The following PCDHA3 variants were observed in gnomAD, a reference collection of about 807,000 sequenced individuals.
PCDHA3 encodes the protein protocadherin alpha 3, also known as protocadherin alpha-3.
PCDHA3 carries 41 observed loss-of-function variants against 62.2 expected under a neutral mutation model. The observed-to-expected ratio is 0.66, with a 90% CI of 0.51 to 0.86. The LOEUF is 0.86. PCDHA3 is among the 40% of genes least tolerant of loss of function. The pLI is 0.00. For missense variants in PCDHA3, 1,304 were observed against 1,241.2 expected (o/e 1.05, Z -0.76); for synonymous variants, 640 against 555.4 (o/e 1.15, Z -2.14).
chr5:140,842,854 C>T, intron 1 of PCDHA3: 1 of 1,594,004 alleles, frequency 6.3e-7, no homozygotes, highest in South Asian at 1.1e-5. Context: ...TTTCGGTGCA[C>T]ACGGAGAGCG....
intron 3 of PCDHA3, among the ~76,000 whole-genome samples, chr5:140,992,147 G>A (rs1304729438): frequency 2.0e-5 from 3 of 151,714 alleles, no homozygotes; most frequent in Non-Finnish European, 4.4e-5. Context: ...TGCTAACTTT[G>A]CTCAATCAAG....
At chr5:140,958,104 T>C (rs1554223331) in intron 1 of PCDHA3, among the ~76,000 whole-genome samples, 1 of 151,916 alleles carries the variant, frequency 6.6e-6, no homozygotes, top group Admixed American at 6.6e-5. Flanking sequence ...GTGTGTAGAG[T>C]GTGGTTCCAT....
intron 1 of PCDHA3, chr5:140,808,760 C>A (rs1554124765): frequency 1.2e-6 from 2 of 1,612,324 alleles, no homozygotes; most frequent in South Asian, 2.2e-5. Context: ...GCCGCTGGAC[C>A]ACGAGGAGCT....
In PCDHA3 at chr5:141,010,126, C is replaced by A; in HGVS notation, c.*189C>A. The A allele has an allele frequency of 6.2e-7, 1 of 1,602,364 alleles. No homozygotes were observed. The highest frequency in any genetic ancestry group is 1.1e-5 in the South Asian group (1 of 89,898). ...TTTTGTCGTAAAAGCTTTACTAAGT[C>A]TGGTGTTAACTCTTTCTCTCCACTC... On this transcript the variant is annotated 3_prime_UTR_variant, in exon 4 of 4. Coordinates refer to ENST00000522353, the MANE Select transcript of PCDHA3 (RefSeq NM_018906.3).
intron 1 of PCDHA3, chr5:140,851,385 AGTATCTATTATTTT>A: frequency 4.1e-6 from 4 of 975,218 alleles, no homozygotes; most frequent in Non-Finnish European, 5.0e-6. Flanking sequence ...AGCAACCTTC[AGTATCTATTATTTT>A]AATAAGAAAG....
chr5:140,928,736 T>C, intron 1 of PCDHA3: 1 of 1,614,174 alleles, frequency 6.2e-7, no homozygotes, highest in Non-Finnish European at 8.5e-7. Flanking sequence ...TCAGCCAATA[T>C]AGGTGAGCTC....
At chr5:140,949,991 A>T (rs1585353048) in intron 1 of PCDHA3, among the ~76,000 whole-genome samples, 1 of 151,822 alleles carries the variant, frequency 6.6e-6, no homozygotes, top group East Asian at 1.9e-4. Flanking sequence ...AACTTTTCTC[A>T]GTCCACTTAA....
chr5:140,917,338 G>GGGGGGGGGGGGGGGGGA (rs2078134893), intron 1 of PCDHA3, among the ~76,000 whole-genome samples: 1 of 137,894 alleles, frequency 7.3e-6, no homozygotes, highest in Non-Finnish European at 1.6e-5. Flanking sequence ...GGAGGGGGGG[G>GGGGGGGGGGGGGGGGGA]ATGGTGTAGG....
At chr5:140,965,827 A>G (rs2095939185) in intron 1 of PCDHA3, among the ~76,000 whole-genome samples, 1 of 152,172 alleles carries the variant, frequency 6.6e-6, no homozygotes, top group Non-Finnish European at 1.5e-5. Context: ...TAAACATTTA[A>G]ATATTGGTTA....
At position 140,801,543 on chromosome 5, in the gene PCDHA3, G is replaced by T. The variant is rs369003662; in HGVS notation, c.346G>T (p.Val116Phe). The change falls in exon 1 of 4, where the codon GTT becomes TTT. Residue 116 changes from valine (V) to phenylalanine (F), a missense_variant. Val to Phe is a conservative substitution (Grantham distance 50). Transcript: ENST00000522353. Reference protein sequence around the residue: ...LEVIVDRPLQVFHVEVEVKDI... With the variant: ...LEVIVDRPLQFFHVEVEVKDI... ...GGTGATCGTGGACAGGCCGCTGCAG[G>T]TTTTCCATGTGGAGGTGGAAGTGAA... 3.1e-6 allele frequency: 5 copies of T among 1,614,140 alleles called. No homozygotes were observed. The African/African-American group carries it at 6.7e-5, about 22-fold the overall frequency.
chr5:140,904,955 G>A (rs1272284537), intron 1 of PCDHA3, among the ~76,000 whole-genome samples: 1 of 152,120 alleles, frequency 6.6e-6, no homozygotes, highest in Non-Finnish European at 1.5e-5. Context: ...TTTGTCTGAT[G>A]CAGAATTTGT....
At chr5:140,962,710 T>C (rs2095702479) in intron 1 of PCDHA3, among the ~76,000 whole-genome samples, 1 of 152,246 alleles carries the variant, frequency 6.6e-6, no homozygotes, top group South Asian at 2.1e-4. Context: ...ATAATCATAT[T>C]GGAAAGTATT....
At chr5:140,983,885 T>C (rs74936593) in intron 3 of PCDHA3, among the ~76,000 whole-genome samples, 2,965 of 152,290 alleles carry the variant, frequency 0.019, 72 homozygotes, top group African/African-American at 0.056. Flanking sequence ...ACTGGCAACT[T>C]TAAGGGCATT....
chr5:140,871,369 A>G, intron 1 of PCDHA3: 1 of 1,614,218 alleles, frequency 6.2e-7, no homozygotes. Context: ...GAGGCGGCAG[A>G]GGGTGTGCTC....
At chr5:140,966,818 C>T in intron 1 of PCDHA3, 1 of 1,554,294 alleles carries the variant, frequency 6.4e-7, no homozygotes, top group Admixed American at 1.9e-5. Flanking sequence ...ACGGCTCCGG[C>T]GGCCCATGCC....
intron 1 of PCDHA3, among the ~76,000 whole-genome samples, chr5:140,881,132 T>C (rs1215831856): frequency 1.3e-5 from 2 of 152,218 alleles, no homozygotes; most frequent in African/African-American, 4.8e-5. Flanking sequence ...TTGGTAGAGA[T>C]AGTTATAACA....
At chr5:140,949,963 A>G (rs1044562957) in intron 1 of PCDHA3, among the ~76,000 whole-genome samples, 1 of 151,750 alleles carries the variant, frequency 6.6e-6, no homozygotes, top group African/African-American at 2.4e-5. Context: ...TGCTGTAAGG[A>G]TTACAGCATA....
At chr5:140,966,709 G>T in intron 1 of PCDHA3, 2 of 1,387,174 alleles carry the variant, frequency 1.4e-6, no homozygotes, top group Non-Finnish European at 1.9e-6. Flanking sequence ...CGTGGGGCAC[G>T]GCTGGGGAAG....
intron 1 of PCDHA3, chr5:140,842,175 T>A (rs2150330904): frequency 1.2e-6 from 2 of 1,613,894 alleles, no homozygotes; most frequent in South Asian, 2.2e-5. Flanking sequence ...AATAGCCTTG[T>A]TGAAACTATG....
Sources: allele counts gnomAD v4.1 joint callset (sites outside exome capture counted in the v4.1 genomes callset), GRCh38; gene constraint gnomAD v4.1.1; transcripts MANE v1.5; gene names NCBI Gene and HGNC (gene_info 2026-07-23, HGNC 2026-07-21).